Variants in STRN observed in about 807,000 individuals in gnomAD.
STRN encodes striatin, also known as protein phosphatase 2 regulatory subunit B'''alpha.
STRN carries 53 observed loss-of-function variants against 96.3 expected under a neutral mutation model. The ratio of observed to expected loss-of-function variants is 0.55; its 90% CI spans 0.44 to 0.69. The LOEUF is 0.69. STRN is among the 30% of genes least tolerant of loss of function. The pLI, the probability that STRN is intolerant of heterozygous loss-of-function variation, is 0.00. For synonymous variants in STRN, 428 were observed against 355.9 expected, an observed-to-expected ratio of 1.20 and a Z score of -2.28; for missense variants, 987 against 963.9, an observed-to-expected ratio of 1.02 and a Z score of -0.32.
chr2:36,869,501 G>C (rs551026795), intron 11 of STRN, 53 bp downstream of exon 11: 1 of 1,345,756 alleles, frequency 7.4e-7, no homozygotes, highest in African/African-American at 1.5e-5. Flanking sequence ...GTAGTTTTCT[G>C]CTGAAAATGT....
chr2:36,854,543 A>G (rs1314799795), intron 15 of STRN, among the ~76,000 whole-genome samples: 1 of 152,242 alleles, frequency 6.6e-6, no homozygotes, highest in East Asian at 1.9e-4. Flanking sequence ...ATATGCATGT[A>G]CATGTTCACA....
chr2:36,903,562 CGACA>C (rs1305867060), intron 4 of STRN, among the ~76,000 whole-genome samples: 3 of 152,096 alleles, frequency 2.0e-5, no homozygotes, highest in Non-Finnish European at 4.4e-5. Context: ...TTAATAAAAA[CGACA>C]GACAAACATC....
At chr2:36,964,168 G>C (rs1665095935) in intron 1 of STRN, among the ~76,000 whole-genome samples, 1 of 123,450 alleles carries the variant, frequency 8.1e-6, no homozygotes, top group African/African-American at 3.4e-5. Context: ...CGAGGAGAGG[G>C]AGTGAACGGG....
In STRN at chr2:36,848,288, AG is replaced by A. The variant is rs1356612418; in HGVS notation, c.*1167del. The A allele has an allele frequency of 6.6e-6, 1 of 152,226 alleles. No individual in the cohort carries two copies. Among genetic ancestry groups the A allele is most frequent in the Non-Finnish European group, 1.5e-5 (1 of 68,042 alleles). The allele number at this position is 152,226 out of a possible 1,614,324, so 9.4% of individuals were successfully genotyped here. A position where few individuals can be genotyped will look rare whatever the true frequency, so the allele number is the denominator to read the frequency against. ...TATTTGGCATTAAACTCTTTCATCC[AG>A]GTTTCCAGGAGATTCTTACAGGGAT... On this transcript the variant is annotated 3_prime_UTR_variant, in exon 18 of 18. Coordinates refer to ENST00000263918, the MANE Select transcript of STRN (RefSeq NM_003162.4).
chr2:36,885,287 G>C (rs573253250), intron 8 of STRN, among the ~76,000 whole-genome samples: 2 of 152,188 alleles, frequency 1.3e-5, no homozygotes, highest in East Asian at 3.9e-4. Flanking sequence ...TGTATTTCAA[G>C]ACATTCATTT....
chr2:36,839,474 C>G lies in STRN; in HGVS notation c.*9982G>C, dbSNP rs1191833358. On this transcript the variant is annotated 3_prime_UTR_variant, in exon 18 of 18. Coordinates refer to ENST00000263918, the MANE Select transcript of STRN (RefSeq NM_003162.4). ...GTTCTAGAAGCTATCAGGAGTGTGACCGAACTACATGACCAGAAGTCTGTA... is the reference window on the plus strand; with the variant it reads ...GTTCTAGAAGCTATCAGGAGTGTGAGCGAACTACATGACCAGAAGTCTGTA... 6.6e-6 allele frequency among the ~76,000 whole-genome samples: 1 copy of G among 152,198 alleles called. No individual in the cohort carries two copies. The highest frequency in any genetic ancestry group is 1.5e-5 in the Non-Finnish European group (1 of 68,040).
chr2:36,843,349 T>C lies in STRN; in HGVS notation c.*6107A>G, dbSNP rs1027745621. On this transcript the variant is annotated 3_prime_UTR_variant, in exon 18 of 18. Transcript: ENST00000263918. ...GCAGGCCAAAGGCCTTGAAAAATAATGTTGATTTGAAGGGGCAGGGAGTGT... is the reference window on the plus strand; with the variant it reads ...GCAGGCCAAAGGCCTTGAAAAATAACGTTGATTTGAAGGGGCAGGGAGTGT... 6.6e-6 allele frequency among the ~76,000 whole-genome samples: 1 copy of C among 152,188 alleles called. No homozygotes were observed. Among genetic ancestry groups the C allele is most frequent in the Non-Finnish European group, 1.5e-5 (1 of 68,044 alleles).
At chr2:36,915,138 A>G (rs1670058393) in intron 3 of STRN, among the ~76,000 whole-genome samples, 1 of 148,978 alleles carries the variant, frequency 6.7e-6, no homozygotes, top group Admixed American at 6.7e-5. Context: ...TGGAGCTTGC[A>G]GTGAGCCGAG....
intron 9 of STRN, among the ~76,000 whole-genome samples, chr2:36,882,529 G>C (rs562204142): frequency 1.3e-5 from 2 of 152,266 alleles, no homozygotes; most frequent in African/African-American, 4.8e-5. Flanking sequence ...CACTTTGGGA[G>C]GCCGACGCAG....
chr2:36,849,881 T>C, intron 16 of STRN, 81 bp from the exon 17 acceptor site: 1 of 1,307,480 alleles, frequency 7.6e-7, no homozygotes, highest in Non-Finnish European at 1.1e-6. Flanking sequence ...CCTGCTGGTT[T>C]CTCCAGTCAT....
At chr2:36,952,055 G>A (rs901630628) in intron 1 of STRN, among the ~76,000 whole-genome samples, 23 of 151,504 alleles carry the variant, frequency 1.5e-4, no homozygotes, top group African/African-American at 4.3e-4. Context: ...ACACACGCAC[G>A]CACACACACA....
At chr2:36,897,415 T>G (rs1669569522) in intron 6 of STRN, among the ~76,000 whole-genome samples, 1 of 149,968 alleles carries the variant, frequency 6.7e-6, no homozygotes, top group Admixed American at 6.8e-5. Context: ...GAAATATTTT[T>G]TTCCAAAAAA....
chr2:36,843,043 T>C lies in STRN; in HGVS notation c.*6413A>G, dbSNP rs1221153003. Among the ~76,000 whole-genome samples the C allele has an allele frequency of 6.6e-6, 1 of 152,126 alleles. No individual in the cohort carries two copies. The highest frequency in any genetic ancestry group is 1.5e-5 in the Non-Finnish European group (1 of 68,018). On this transcript the variant is annotated 3_prime_UTR_variant, in exon 18 of 18. Coordinates refer to ENST00000263918, the MANE Select transcript of STRN (RefSeq NM_003162.4). ...TCTTAGGCTGACCCCAGGAGGTTCA[T>C]CAATCCGTGAATAATTTTTGGAGTT...
At chr2:36,867,499 C>T (rs551558927) in intron 12 of STRN, 4 of 191,548 alleles carry the variant, frequency 2.1e-5, no homozygotes, top group Admixed American at 6.1e-5. Context: ...AAAGGAGGCA[C>T]TTGAATATTT....
rs1456012458 is a variant in STRN at position 36,845,711 on chromosome 2, C to T, written c.*3745G>A. ...GAACTTTACTATAATTAAAGAATAG[C>T]TATTGTTTTCTCTACTGAAATTTCT... On this transcript the variant is annotated 3_prime_UTR_variant, in exon 18 of 18. Coordinates refer to ENST00000263918, the MANE Select transcript of STRN (RefSeq NM_003162.4). 6.6e-6 allele frequency: 1 copy of T among 151,952 alleles called. No homozygotes were observed. The highest frequency in any genetic ancestry group is 2.4e-5 in the African/African-American group (1 of 41,376). The allele number at this position is 151,952 out of a possible 1,614,324, so 9.4% of individuals were successfully genotyped here. A position where few individuals can be genotyped will look rare whatever the true frequency, so the allele number is the denominator to read the frequency against.
chr2:36,919,290 A>G (rs182523789), intron 2 of STRN, among the ~76,000 whole-genome samples: 1 of 152,348 alleles, frequency 6.6e-6, no homozygotes, highest in Non-Finnish European at 1.5e-5. Context: ...AAGGGCTACT[A>G]GCAAGTATTA....
intron 9 of STRN, among the ~76,000 whole-genome samples, chr2:36,881,634 T>C (rs1356426210): frequency 1.3e-5 from 2 of 152,216 alleles, no homozygotes; most frequent in Non-Finnish European, 2.9e-5. Flanking sequence ...CTGCTGCAGA[T>C]AGTAAGTTAA....
At position 36,849,533 on chromosome 2, in the gene STRN, G is replaced by T; in HGVS notation, c.2266C>A (p.His756Asn). The T allele has an allele frequency of 6.2e-7, 1 of 1,614,092 alleles. No individual in the cohort carries two copies. Among genetic ancestry groups the T allele is most frequent in the South Asian group, 1.1e-5 (1 of 91,078 alleles). Residue 756 changes from histidine to asparagine, a missense_variant, in exon 18 of 18, where the codon CAT becomes AAT. Coordinates refer to ENST00000263918, the MANE Select transcript of STRN (RefSeq NM_003162.4). ...TTGGATGGGTGGAAAGCTACATCAT[G>T]AATCGATTCTTCAAACTTTTTTCGA... ...AHRKKFEESI[H>N]DVAFHPSKCY...
chr2:36,916,212 T>C lies in STRN; in HGVS notation c.339-61A>G, dbSNP rs928222541. The stretch of plus-strand genomic sequence containing the variant: ...AATATGTTTAAATTAACATACACAA[T>C]AGTAGTAGTCACAAGAATTCAGTAG... On this transcript the variant is annotated intron_variant, in intron 2 of 17. Transcript: ENST00000263918. 9.4e-6 allele frequency: 13 copies of C among 1,387,118 alleles called. No individual in the cohort carries two copies. The African/African-American group carries it at 1.0e-4, about 11-fold the overall frequency. 85.9% of individuals were successfully genotyped at this position (1,387,118 alleles called of 1,614,324 possible). A position where few individuals can be genotyped will look rare whatever the true frequency, so the allele number is the denominator to read the frequency against.
Sources: gnomAD v4.1 joint callset for allele counts (sites outside exome capture counted in the v4.1 genomes callset) on GRCh38, gnomAD v4.1.1 for gene constraint, MANE v1.5 for transcripts, NCBI Gene and HGNC (gene_info 2026-07-23, HGNC 2026-07-21) for gene names.